The following DPYD variants were observed in gnomAD, a reference collection of about 807,000 sequenced individuals.
DPYD encodes dihydropyrimidine dehydrogenase.
A neutral mutation model predicts 116.2 loss-of-function variants in DPYD; 109 were observed. The ratio of observed to expected loss-of-function variants is 0.94; its 90% CI spans 0.80 to 1.10. DPYD has a LOEUF of 1.10. Ranked by LOEUF, DPYD falls within the 50% of genes least tolerant of loss-of-function variation. DPYD has a pLI of 0.00. For synonymous variants in DPYD, 440 were observed against 432.0 expected, an observed-to-expected ratio of 1.02 and a Z score of -0.23; for missense variants, 1,302 against 1,254.5, an observed-to-expected ratio of 1.04 and a Z score of -0.57.
chr1:97,100,947 C>A (rs1650637612), intron 20 of DPYD, among the ~76,000 whole-genome samples: 1 of 151,948 alleles, frequency 6.6e-6, no homozygotes, highest in Non-Finnish European at 1.5e-5. Context: ...GGCTAACATG[C>A]TAAGTTTCTA....
intron 5 of DPYD, among the ~76,000 whole-genome samples, chr1:97,716,089 T>C (rs1346878005): frequency 6.6e-6 from 1 of 152,074 alleles, no homozygotes; most frequent in Admixed American, 6.6e-5. Flanking sequence ...AAAACATAAA[T>C]GTTGATGTAA....
At chr1:97,828,796 A>C (rs1669379960) in intron 2 of DPYD, among the ~76,000 whole-genome samples, 2 of 152,016 alleles carry the variant, frequency 1.3e-5, no homozygotes, top group Non-Finnish European at 2.9e-5. Context: ...TTAAAATCTT[A>C]AAATTAGGTG....
intron 13 of DPYD, among the ~76,000 whole-genome samples, chr1:97,455,394 C>CA: frequency 6.6e-6 from 1 of 151,922 alleles, no homozygotes; most frequent in South Asian, 2.1e-4. Flanking sequence ...AATATTTTGT[C>CA]AAAAATGTTT....
At chr1:97,564,841 C>T (rs529518567) in intron 11 of DPYD, among the ~76,000 whole-genome samples, 1 of 152,208 alleles carries the variant, frequency 6.6e-6, no homozygotes, top group South Asian at 2.1e-4. Context: ...TTTAACTTGT[C>T]TTTCTTAATT....
chr1:97,524,347 G>C lies in DPYD; in HGVS notation c.1525-8406C>G, dbSNP rs187027046. Among the ~76,000 whole-genome samples, 346 of 152,280 alleles carry C rather than the reference G, an allele frequency of 2.3e-3. 3 individuals carry two copies. The highest frequency in any genetic ancestry group is 8.0e-3 in the African/African-American group (334 of 41,564). On this transcript the variant is annotated intron_variant, in intron 12 of 22. Coordinates refer to ENST00000370192, the MANE Select transcript of DPYD (RefSeq NM_000110.4). ...TGGATATGACTCAGATTATCTATTAGTCATGCCATGGGTGTGAAGTTGGAG... is the reference window on the plus strand; with the variant it reads ...TGGATATGACTCAGATTATCTATTACTCATGCCATGGGTGTGAAGTTGGAG...
At chr1:97,387,801 T>C (rs1456406563) in intron 14 of DPYD, among the ~76,000 whole-genome samples, 1 of 152,076 alleles carries the variant, frequency 6.6e-6, no homozygotes, top group Non-Finnish European at 1.5e-5. Flanking sequence ...TGGTTGTAGA[T>C]TCATGAGAGG....
At chr1:97,499,160 C>T (rs1282720299) in intron 13 of DPYD, among the ~76,000 whole-genome samples, 1 of 151,636 alleles carries the variant, frequency 6.6e-6, no homozygotes, top group Non-Finnish European at 1.5e-5. Flanking sequence ...TAAACAATTT[C>T]TGTTTATTTA....
intron 20 of DPYD, among the ~76,000 whole-genome samples, chr1:97,144,830 A>AT: frequency 6.6e-6 from 1 of 152,278 alleles, no homozygotes; most frequent in East Asian, 1.9e-4. Flanking sequence ...TAGCTGATTT[A>AT]TTTTTTTCTT....
chr1:97,916,722 C>A (rs1674230950), intron 1 of DPYD, among the ~76,000 whole-genome samples: 1 of 152,152 alleles, frequency 6.6e-6, no homozygotes, highest in African/African-American at 2.4e-5. Flanking sequence ...CATCTGAATT[C>A]ATATGCAAAG....
chr1:97,632,754 A>G (rs2100798164), intron 8 of DPYD, among the ~76,000 whole-genome samples: 1 of 152,228 alleles, frequency 6.6e-6, no homozygotes, highest in Admixed American at 6.6e-5. Context: ...TGGTCTCAGG[A>G]TTTTTAATAT....
intron 2 of DPYD, among the ~76,000 whole-genome samples, chr1:97,848,311 A>T (rs7527309): frequency 6.6e-6 from 1 of 152,146 alleles, no homozygotes; most frequent in South Asian, 2.1e-4. Context: ...GTTAGCCAGG[A>T]TGGTCTCAAT....
intron 20 of DPYD, among the ~76,000 whole-genome samples, chr1:97,141,103 G>A (rs576312897): frequency 1.3e-5 from 2 of 152,230 alleles, no homozygotes; most frequent in East Asian, 3.9e-4. Flanking sequence ...AATGGAATGG[G>A]AAGTACTGAA....
intron 13 of DPYD, among the ~76,000 whole-genome samples, chr1:97,483,485 C>T (rs1557743341): frequency 6.6e-6 from 1 of 152,098 alleles, no homozygotes; most frequent in African/African-American, 2.4e-5. Context: ...GCGAACGACA[C>T]TGACTCGGTC....
intron 8 of DPYD, among the ~76,000 whole-genome samples, chr1:97,647,615 A>G (rs1658343532): frequency 6.6e-6 from 1 of 152,018 alleles, no homozygotes; most frequent in Admixed American, 6.6e-5. Context: ...ATTCAAAAAT[A>G]TTTTATCTTT....
intron 8 of DPYD, among the ~76,000 whole-genome samples, chr1:97,666,414 C>T (rs765863343): frequency 1.3e-4 from 20 of 152,280 alleles, no homozygotes; most frequent in Admixed American, 2.0e-4. Flanking sequence ...CTGCCTCACC[C>T]TCCCAAAATG....
chr1:97,763,946 T>C (rs1021908923), intron 3 of DPYD, among the ~76,000 whole-genome samples: 10 of 152,098 alleles, frequency 6.6e-5, no homozygotes, highest in African/African-American at 1.9e-4. Flanking sequence ...CAGGTCACAA[T>C]TGTTTGCACT....
intron 20 of DPYD, among the ~76,000 whole-genome samples, chr1:97,163,278 T>G (rs11165797): frequency 0.31 from 46,467 of 151,944 alleles, 8,144 homozygotes; most frequent in East Asian, 0.65. Flanking sequence ...CTCCAACAAA[T>G]TTACAAGAAA....
chr1:97,637,765 T>C (rs552199347), intron 8 of DPYD, among the ~76,000 whole-genome samples: 93 of 152,276 alleles, frequency 6.1e-4, no homozygotes, highest in Non-Finnish European at 1.1e-3. Context: ...AATATTTTTA[T>C]TACTTTACTA....
chr1:97,106,124 G>A (rs1050862674), intron 20 of DPYD, among the ~76,000 whole-genome samples: 7 of 151,898 alleles, frequency 4.6e-5, no homozygotes, highest in East Asian at 3.9e-4. Context: ...GGATGATGGC[G>A]GTAGCAAAAA....
Sources: allele counts gnomAD v4.1 joint callset (sites outside exome capture counted in the v4.1 genomes callset), GRCh38; gene constraint gnomAD v4.1.1; transcripts MANE v1.5; gene names NCBI Gene and HGNC (gene_info 2026-07-23, HGNC 2026-07-21).